Variants in IRX4 observed in about 807,000 individuals in gnomAD.
IRX4 encodes the protein iroquois-class homeodomain protein IRX-4.
In IRX4, 22 loss-of-function variants were observed where a neutral mutation model predicts 32.0. The ratio of observed to expected loss-of-function variants is 0.69; its 90% confidence interval spans 0.49 to 0.98. The LOEUF is 0.98. Among genes scored for constraint, IRX4 ranks in the 50% least tolerant of loss-of-function variants. The pLI is 0.00. For missense variants in IRX4, 840 were observed against 744.2 expected, an observed-to-expected ratio of 1.13 and a Z score of -1.50; for synonymous variants, 379 against 351.7, an observed-to-expected ratio of 1.08 and a Z score of -0.87.
chr5:1,883,531 G>C (rs1735528323), upstream of IRX4, among the ~76,000 whole-genome samples: 1 of 152,244 alleles, frequency 6.6e-6, no homozygotes, highest in Non-Finnish European at 1.5e-5. Context: ...GCAAGAGCTG[G>C]TCAAAATGCC....
chr5:1,886,109 C>G (rs1274606143), upstream of IRX4, among the ~76,000 whole-genome samples: 1 of 152,248 alleles, frequency 6.6e-6, no homozygotes, highest in Non-Finnish European at 1.5e-5. Context: ...GAAGCGCAGG[C>G]GGGTCGCCTA....
Position 1,878,331 on chromosome 5 carries a change from G to T in IRX4, c.1198C>A (p.Pro400Thr), listed in dbSNP as rs868287478. 6.4e-7 allele frequency: 1 copy of T among 1,553,976 alleles called. No homozygotes were observed. The highest frequency in any genetic ancestry group is 1.7e-4 in the Middle Eastern group (1 of 5,986). Residue 400 changes from proline to threonine, a missense_variant, in exon 5 of 5, where the codon CCC (proline) becomes ACC (threonine). This residue lies in a region of IRX4 where 585 missense variants were observed against 488.0 expected (regional missense o/e 1.20). Transcript: ENST00000231357. The stretch of plus-strand genomic sequence containing the variant: ...GAGGACACAGCCGCAGGGGCCGCGG[G>T]ACCTTGGCGCTTGAGCATGCACGAC... ...FPSCMLKRQG[P>T]AAPAAVSSAP...
In IRX4 at chr5:1,877,950, G is replaced by T; in HGVS notation, c.*19C>A. 1 of 1,493,724 alleles carries T rather than the reference G, an allele frequency of 6.7e-7. No individual in the cohort carries two copies. Among genetic ancestry groups the T allele is most frequent in the Non-Finnish European group, 8.9e-7 (1 of 1,125,126 alleles). The allele number at this position is 1,493,724 out of a possible 1,614,324, so 92.5% of individuals were successfully genotyped here. A position where few individuals can be genotyped will look rare whatever the true frequency, so the allele number is the denominator to read the frequency against. ...CCGCCTGAGCGCGGGTTCCCTCCTG[G>T]GCTCGGGACCCGCCCGCCTCAGGCG... On this transcript the variant is annotated 3_prime_UTR_variant, in exon 5 of 5. Transcript: ENST00000231357.
upstream of IRX4, among the ~76,000 whole-genome samples, chr5:1,883,603 G>T (rs963066488): frequency 2.0e-5 from 3 of 152,238 alleles, no homozygotes; most frequent in Non-Finnish European, 4.4e-5. Context: ...CTGGCGGCCC[G>T]AGGGCTGTAG....
At chr5:1,881,766 G>T (rs939012100) in intron 2 of IRX4, 42 bp downstream of exon 2, 1 of 1,559,246 alleles carries the variant, frequency 6.4e-7, no homozygotes, top group South Asian at 1.2e-5. Context: ...TTGGCAAATC[G>T]AGGGCCAGGG....
At chr5:1,883,810 G>C (rs1244975903), upstream of IRX4, among the ~76,000 whole-genome samples, 1 of 152,176 alleles carries the variant, frequency 6.6e-6, no homozygotes, top group East Asian at 1.9e-4. Flanking sequence ...TCGCGGCTAA[G>C]CCGGGGACTG....
intron 3 of IRX4, among the ~76,000 whole-genome samples, 167 bp downstream of exon 3, chr5:1,880,558 G>C (rs1256031803): frequency 1.3e-5 from 2 of 152,212 alleles, no homozygotes; most frequent in Non-Finnish European, 2.9e-5. Flanking sequence ...GGTGGGACAG[G>C]AGGCTGGACC....
chr5:1,881,047 G>A (rs1036621395), intron 2 of IRX4: 5 of 434,284 alleles, frequency 1.2e-5, no homozygotes, highest in Non-Finnish European at 2.1e-5. Context: ...GTGTGTGGTG[G>A]AGCGCGGGCC....
In IRX4 at chr5:1,878,053, G is replaced by C. The variant is rs1735265941; in HGVS notation, c.1476C>G (p.Ala492=). Residue 492 remains alanine, a synonymous_variant, in exon 5 of 5, where the codon GCC becomes GCG. Transcript: ENST00000231357. The stretch of plus-strand genomic sequence containing the variant: ...CTGCAGCTGGGGCGTCCTGGGGCAC[G>C]GCAGGCGGAAAGGCGCGGGCCAGGG... ...TAPLARAFPP[A]VPQDAPAAGA... is the part of the protein sequence containing the mutation. The C allele has an allele frequency of 2.6e-6, 4 of 1,512,602 alleles. No individual in the cohort carries two copies. Among genetic ancestry groups the C allele is most frequent in the South Asian group, 1.2e-5 (1 of 81,356 alleles). 93.7% of individuals were successfully genotyped at this position (1,512,602 alleles called of 1,614,324 possible). A position where few individuals can be genotyped will look rare whatever the true frequency, so the allele number is the denominator to read the frequency against.
Position 1,878,580 on chromosome 5 carries a change from C to T in IRX4, c.949G>A (p.Asp317Asn), listed in dbSNP as rs774401839. Residue 317 changes from aspartate (D) to asparagine (N), a missense_variant, in exon 5 of 5, where the codon GAC (aspartate) becomes AAC (asparagine). Physicochemically the swap from Asp to Asn is conservative, Grantham distance 23. Around this residue, in one of 3 missense-constraint regions of IRX4, gnomAD observed 585 missense variants for 488.0 expected, o/e 1.20. Transcript: ENST00000231357. ...CTCCGGGCCCTCTCCAGGTCCTCGT[C>T]CAGAGCAGCTCCGCCACCCGCGGCC... is the stretch of plus-strand genomic sequence containing the variant. ...SLAAGGGAAL[D>N]EDLERARSCL... 12 of 1,549,812 alleles carry T rather than the reference C, an allele frequency of 7.7e-6. No individual in the cohort carries two copies. The South Asian group carries it at 9.5e-5, about 12-fold the overall frequency.
At chr5:1,885,093 G>A (rs546658480), upstream of IRX4, among the ~76,000 whole-genome samples, 7 of 152,226 alleles carry the variant, frequency 4.6e-5, no homozygotes, top group East Asian at 7.7e-4. Flanking sequence ...TGAGCACTCC[G>A]CCGGCTGAGG....
Position 1,878,351 on chromosome 5 carries a change from C to A in IRX4, c.1178G>T (p.Cys393Phe). The A allele has an allele frequency of 6.5e-7, 1 of 1,541,500 alleles. No individual in the cohort carries two copies. Among genetic ancestry groups the A allele is most frequent in the Non-Finnish European group, 8.7e-7 (1 of 1,145,582 alleles). The change falls in exon 5 of 5, where the codon TGC becomes TTC. Residue 393 changes from cysteine (C) to phenylalanine (F), a missense_variant. Around this residue, in one of 3 missense-constraint regions of IRX4, gnomAD observed 585 missense variants for 488.0 expected, o/e 1.20. Transcript: ENST00000231357. ...CGCGGGACCTTGGCGCTTGAGCATG[C>A]ACGACGGAAACTCAGTCTGGCTCAG... ...TSLSQTEFPS[C>F]MLKRQGPAAP...
chr5:1,882,509 G>A (rs1206777866), intron 1 of IRX4, 94 bp downstream of exon 1: 25 of 1,087,320 alleles, frequency 2.3e-5, no homozygotes, highest in Non-Finnish European at 2.7e-5. Flanking sequence ...GAAGCCGCAG[G>A]CAGTCGTAGG....
chr5:1,881,070 C>CGGGGGGGGG, intron 2 of IRX4: 1 of 90,844 alleles, frequency 1.1e-5, no homozygotes, highest in South Asian at 1.0e-4. Context: ...TGGGGGGGGG[C>CGGGGGGGGG]GGGGGGGAGG....
In IRX4 at chr5:1,878,117, C is replaced by T. The variant is rs2111431142; in HGVS notation, c.1412G>A (p.Gly471Glu). 1.2e-5 allele frequency: 19 copies of T among 1,543,798 alleles called. No individual in the cohort carries two copies. Among genetic ancestry groups the T allele is most frequent in the Non-Finnish European group, 1.7e-5 (19 of 1,150,458 alleles). ...GTTCGCGCCCGCCCCCAGCGAGCGTCCCAGAGGCCCGGGGTCCAGGAGGGC... is the reference window on the plus strand; with the variant it reads ...GTTCGCGCCCGCCCCCAGCGAGCGTTCCAGAGGCCCGGGGTCCAGGAGGGC... ...KGALLDPGPL[G>E]RSLGAGANVL... Residue 471 changes from glycine (G) to glutamate (E), a missense_variant, in exon 5 of 5, where the codon GGA (glycine) becomes GAA (glutamate). Physicochemically the swap from Gly to Glu is moderately conservative, Grantham distance 98 (BLOSUM62 -2). Coordinates refer to ENST00000231357, the MANE Select transcript of IRX4 (RefSeq NM_016358.3).
chr5:1,879,949 G>A (rs1171715905), intron 3 of IRX4, 117 bp from the exon 4 acceptor site: 4 of 1,523,870 alleles, frequency 2.6e-6, no homozygotes, highest in Non-Finnish European at 3.5e-6. Flanking sequence ...CCCCGTCGTG[G>A]GGTTGTGGTC....
intron 2 of IRX4, among the ~76,000 whole-genome samples, chr5:1,881,390 G>C (rs1209090434): frequency 6.7e-6 from 1 of 149,558 alleles, no homozygotes; most frequent in Admixed American, 6.6e-5. Context: ...GCAGGGGAGA[G>C]GGAGGAAGAG....
intron 3 of IRX4, 38 bp downstream of exon 3, chr5:1,880,687 C>T (rs997146032): frequency 3.7e-5 from 52 of 1,392,732 alleles, no homozygotes; most frequent in Admixed American, 1.5e-4. Context: ...GCAGAGGGCC[C>T]GTGGGGCTAG....
chr5:1,883,199 G>C (rs529765196), upstream of IRX4, among the ~76,000 whole-genome samples: 1 of 152,334 alleles, frequency 6.6e-6, no homozygotes, highest in South Asian at 2.1e-4. Context: ...ACCCGAGAAC[G>C]AGAGGCACTT....
Sources: allele counts gnomAD v4.1 joint callset (sites outside exome capture counted in the v4.1 genomes callset), GRCh38; gene constraint gnomAD v4.1.1; regional missense constraint gnomAD v4.1.1; transcripts MANE v1.5; gene names NCBI Gene and HGNC (gene_info 2026-07-23, HGNC 2026-07-21).